DCDC2C: variants seen among roughly 807,000 people sequenced by gnomAD.
DCDC2C encodes doublecortin domain containing 2C.
DCDC2C carries 44 observed loss-of-function variants against 45.0 expected under a neutral mutation model. That is an observed-to-expected ratio of 0.98 (90% confidence interval 0.77 to 1.26). DCDC2C has a LOEUF of 1.26. DCDC2C is among the 50% of genes most tolerant of loss of function. The pLI is 0.00. For missense variants in DCDC2C, 447 were observed against 468.9 expected, an observed-to-expected ratio of 0.95 and a Z score of 0.43; for synonymous variants, 187 against 178.8, an observed-to-expected ratio of 1.05 and a Z score of -0.37.
chr2:3,719,011 C>A (rs1668421930), intron 2 of DCDC2C, among the ~76,000 whole-genome samples: 1 of 152,144 alleles, frequency 6.6e-6, no homozygotes, highest in East Asian at 1.9e-4. Flanking sequence ...AGTCCCCACT[C>A]GACCCAGGAA....
intron 3 of DCDC2C, among the ~76,000 whole-genome samples, chr2:3,733,155 T>C (rs1276299187): frequency 1.3e-5 from 2 of 152,190 alleles, no homozygotes; most frequent in Non-Finnish European, 2.9e-5. Context: ...TGGGGACATA[T>C]TGGCTGCTGG....
intron 4 of DCDC2C, among the ~76,000 whole-genome samples, chr2:3,742,869 C>A (rs926940166): frequency 6.6e-6 from 1 of 152,192 alleles, no homozygotes; most frequent in Non-Finnish European, 1.5e-5. Flanking sequence ...ACAGACCAGG[C>A]AAGGGGCTTG....
intron 10 of DCDC2C, among the ~76,000 whole-genome samples, chr2:3,833,085 C>T (rs1423093291): frequency 2.0e-5 from 3 of 152,164 alleles, no homozygotes; most frequent in African/African-American, 4.8e-5. Flanking sequence ...GGCTTGTGGG[C>T]CCTTCCTCTG....
intron 1 of DCDC2C, among the ~76,000 whole-genome samples, chr2:3,705,397 A>AT (rs1400548747): frequency 1.3e-5 from 2 of 152,168 alleles, no homozygotes; most frequent in African/African-American, 2.4e-5. Flanking sequence ...ATTTGTGATT[A>AT]TTTTTTCCAA....
At chr2:3,791,398 G>A (rs1364567900) in intron 10 of DCDC2C, among the ~76,000 whole-genome samples, 3 of 152,082 alleles carry the variant, frequency 2.0e-5, no homozygotes, top group Non-Finnish European at 2.9e-5. Flanking sequence ...TGGACCAATC[G>A]CCTTTTCGTG....
chr2:3,752,477 G>T, intron 4 of DCDC2C: 1 of 404,946 alleles, frequency 2.5e-6, no homozygotes, highest in South Asian at 2.4e-5. Context: ...AAAATTAATT[G>T]AACACTAACC....
chr2:3,707,554 T>A (rs1307866968), intron 1 of DCDC2C, among the ~76,000 whole-genome samples: 1 of 152,230 alleles, frequency 6.6e-6, no homozygotes, highest in African/African-American at 2.4e-5. Flanking sequence ...CATTTTATAA[T>A]TGGGAGAACT....
intron 10 of DCDC2C, among the ~76,000 whole-genome samples, chr2:3,797,451 A>T (rs1466788742): frequency 2.0e-5 from 3 of 149,822 alleles, no homozygotes; most frequent in Non-Finnish European, 3.0e-5. Flanking sequence ...AGTTCTTTTA[A>T]TTGTGATGTT....
intron 10 of DCDC2C, among the ~76,000 whole-genome samples, chr2:3,788,075 G>T (rs1670700683): frequency 6.6e-6 from 1 of 152,140 alleles, no homozygotes; most frequent in Non-Finnish European, 1.5e-5. Flanking sequence ...GATGTCATCT[G>T]CTCTGAATAT....
chr2:3,846,336 G>A (rs1672329297), intron 10 of DCDC2C, among the ~76,000 whole-genome samples: 1 of 151,830 alleles, frequency 6.6e-6, no homozygotes, highest in Non-Finnish European at 1.5e-5. Context: ...CTGGAGTGCA[G>A]TGCCACAATG....
intron 2 of DCDC2C, among the ~76,000 whole-genome samples, chr2:3,716,759 C>T (rs1394313583): frequency 6.6e-6 from 1 of 152,192 alleles, no homozygotes; most frequent in Non-Finnish European, 1.5e-5. Context: ...TCTATAGGAC[C>T]TGCCTATTCT....
chr2:3,742,086 G>A (rs1461246254), intron 4 of DCDC2C, 38 bp downstream of exon 4: 1 of 1,487,878 alleles, frequency 6.7e-7, no homozygotes. Context: ...CCAGGGGGCG[G>A]CAGCTTGTGT....
intron 7 of DCDC2C, 30 bp downstream of exon 7, chr2:3,767,910 A>G: frequency 3.5e-6 from 5 of 1,423,600 alleles, no homozygotes; most frequent in Non-Finnish European, 4.6e-6. Context: ...TGCTGTAGGC[A>G]GTTCGAAACT....
At chr2:3,823,316 G>A (rs972472581) in intron 10 of DCDC2C, among the ~76,000 whole-genome samples, 1 of 151,360 alleles carries the variant, frequency 6.6e-6, no homozygotes, top group East Asian at 1.9e-4. Context: ...GATTTCTAAC[G>A]TCATTCCGTT....
At chr2:3,831,820 C>G (rs913253734) in intron 10 of DCDC2C, among the ~76,000 whole-genome samples, 76 of 152,306 alleles carry the variant, frequency 5.0e-4, no homozygotes, top group African/African-American at 1.7e-3. Context: ...TGTTATTTCC[C>G]TCATCTACAA....
intron 2 of DCDC2C, among the ~76,000 whole-genome samples, chr2:3,710,034 A>C (rs1008335270): frequency 2.6e-5 from 4 of 152,144 alleles, no homozygotes; most frequent in African/African-American, 4.8e-5. Context: ...AAAGAGTTTA[A>C]AAAATTTTTA....
intron 6 of DCDC2C, among the ~76,000 whole-genome samples, chr2:3,759,257 T>G (rs1669811731): frequency 6.6e-6 from 1 of 152,154 alleles, no homozygotes; most frequent in African/African-American, 2.4e-5. Flanking sequence ...TTCAGGTGAT[T>G]TGTTTCTGTT....
At chr2:3,790,708 A>C (rs994345092) in intron 10 of DCDC2C, among the ~76,000 whole-genome samples, 8 of 152,194 alleles carry the variant, frequency 5.3e-5, no homozygotes, top group Admixed American at 5.2e-4. Context: ...TCTAAGAGAC[A>C]AGGTCAATAG....
intron 3 of DCDC2C, among the ~76,000 whole-genome samples, chr2:3,731,341 T>C (rs1004057340): frequency 2.6e-5 from 4 of 152,174 alleles, no homozygotes; most frequent in African/African-American, 9.7e-5. Flanking sequence ...TTTGCGAAGT[T>C]TGTCACATTT....
Sources: allele counts gnomAD v4.1 joint callset (sites outside exome capture counted in the v4.1 genomes callset), GRCh38; gene constraint gnomAD v4.1.1; transcripts MANE v1.5; gene names NCBI Gene and HGNC (gene_info 2026-07-23, HGNC 2026-07-21).